GSAP: variants seen among roughly 807,000 people sequenced by gnomAD.
GSAP encodes the protein gamma-secretase activating protein, also known as gamma-secretase-activating protein.
In GSAP, 118 loss-of-function variants were observed where a neutral mutation model predicts 131.7. That is an observed-to-expected ratio of 0.90 (90% CI 0.77 to 1.04). GSAP has a LOEUF of 1.04. Among genes scored for constraint, GSAP ranks in the 50% least tolerant of loss-of-function variants. The pLI, the probability that GSAP is intolerant of heterozygous loss-of-function variation, is 0.00. For missense variants in GSAP, 1,019 were observed against 1,013.2 expected (o/e 1.01, Z -0.08); for synonymous variants, 381 against 363.4 (o/e 1.05, Z -0.55).
chr7:77,323,869 A>G (rs1249357855), intron 23 of GSAP, 127 bp from the exon 24 acceptor site: 1 of 526,148 alleles, frequency 1.9e-6, no homozygotes, highest in Non-Finnish European at 3.4e-6. Flanking sequence ...GGTCCCATCA[A>G]TGGAAATGCA....
intron 7 of GSAP, 61 bp downstream of exon 7, chr7:77,382,513 C>T: frequency 3.5e-6 from 3 of 868,276 alleles, no homozygotes; most frequent in South Asian, 1.4e-5. Flanking sequence ...AATCATGTAC[C>T]ACACTAGGAG....
intron 14 of GSAP, among the ~76,000 whole-genome samples, chr7:77,355,927 A>C (rs1310613244): frequency 2.0e-5 from 3 of 151,584 alleles, no homozygotes; most frequent in Non-Finnish European, 4.4e-5. Flanking sequence ...AGTAGCTGGG[A>C]CTACAGGACT....
chr7:77,353,525 A>G (rs1243723022), intron 17 of GSAP, 47 bp downstream of exon 17: 1 of 1,297,078 alleles, frequency 7.7e-7, no homozygotes, highest in Non-Finnish European at 1.1e-6. Context: ...TCCCTCAAGC[A>G]AAAAGGTCAA....
intron 19 of GSAP, among the ~76,000 whole-genome samples, chr7:77,343,033 C>A (rs972257955): frequency 1.6e-4 from 25 of 152,180 alleles, no homozygotes. Context: ...CCTAACTTAT[C>A]ACTCCCTTTT....
At position 77,406,099 on chromosome 7, in the gene GSAP, A is replaced by G. The variant is rs376706386; in HGVS notation, c.116T>C (p.Leu39Ser). 4.8e-6 allele frequency: 6 copies of G among 1,249,348 alleles called. No homozygotes were observed. In the African/African-American group the frequency reaches 9.6e-5, roughly 20 times the overall value. 77.4% of individuals were successfully genotyped at this position (1,249,348 alleles called of 1,614,324 possible). The stretch of plus-strand genomic sequence containing the variant: ...ATGTAAGCTCTCATAATCGTTTTCT[A>G]AAACATCTGAAATGATAATAGGAGG... ...SGAGSGGADV[L>S]ENDYESLHVL... Residue 39 changes from leucine (L) to serine (S), a missense_variant, in exon 2 of 31, where the codon TTA becomes TCA. Transcript: ENST00000257626.
intron 12 of GSAP, among the ~76,000 whole-genome samples, chr7:77,365,297 C>T (rs1353116741): frequency 2.0e-5 from 3 of 151,922 alleles, no homozygotes; most frequent in African/African-American, 7.3e-5. Flanking sequence ...AAACTCATAT[C>T]ACAGGGGTTT....
chr7:77,311,452 G>A lies in GSAP; in HGVS notation c.2474-3C>T, dbSNP rs776103209. 2 of 1,567,750 alleles carry A rather than the reference G, an allele frequency of 1.3e-6. No homozygotes were observed. Among genetic ancestry groups the A allele is most frequent in the African/African-American group, 1.4e-5 (1 of 73,944 alleles). On this transcript the variant is annotated splice_polypyrimidine_tract_variant and splice_region_variant and intron_variant, in intron 30 of 30. Transcript: ENST00000257626. The stretch of plus-strand genomic sequence containing the variant: ...ATGTCCTTCAAAAGGATACAGGGCT[G>A]GAAAAAAATGGGGAGAGGGCAGGGA...
intron 5 of GSAP, among the ~76,000 whole-genome samples, chr7:77,389,090 T>C (rs1799003820): frequency 6.6e-6 from 1 of 151,984 alleles, no homozygotes; most frequent in Admixed American, 6.6e-5. Context: ...TGAAGAAAAA[T>C]AGAATAGAAA....
Position 77,376,914 on chromosome 7 carries a change from G to A in GSAP, c.682-7C>T, listed in dbSNP as rs377058357. 5 of 1,390,814 alleles carry A rather than the reference G, an allele frequency of 3.6e-6. No homozygotes were observed. Among genetic ancestry groups the A allele is most frequent in the Non-Finnish European group, 4.0e-6 (4 of 1,010,408 alleles). 86.2% of individuals were successfully genotyped at this position (1,390,814 alleles called of 1,614,324 possible). A position where few individuals can be genotyped will look rare whatever the true frequency, so the allele number is the denominator to read the frequency against. ...TTAAGATACTCCTTGATTTCTAAAA[G>A]AGAAAACAGAATGGCATATTAAAAA... On this transcript the variant is annotated splice_polypyrimidine_tract_variant and splice_region_variant and intron_variant, in intron 9 of 30. Transcript: ENST00000257626.
At chr7:77,336,924 C>A (rs1790067526) in intron 19 of GSAP, among the ~76,000 whole-genome samples, 1 of 152,184 alleles carries the variant, frequency 6.6e-6, no homozygotes, top group African/African-American at 2.4e-5. Context: ...GCAAACTGAA[C>A]TTTGGGAAAT....
chr7:77,383,694 C>G lies in GSAP; in HGVS notation c.457-1051G>C, dbSNP rs980088511. Among the ~76,000 whole-genome samples the G allele has an allele frequency of 5.9e-5, 9 of 152,292 alleles. 1 individual carries two copies. Among genetic ancestry groups the G allele is most frequent in the African/African-American group, 2.2e-4 (9 of 41,564 alleles). On this transcript the variant is annotated intron_variant, in intron 6 of 30. Coordinates refer to ENST00000257626, the MANE Select transcript of GSAP (RefSeq NM_017439.4). ...GCTGTGATAATGAGGAAAAACTGGT[C>G]ACAGGATGACTCAAAAGGGCAATTG... is the stretch of plus-strand genomic sequence containing the variant.
chr7:77,393,903 A>AC (rs1207038534), intron 5 of GSAP, among the ~76,000 whole-genome samples: 1 of 151,814 alleles, frequency 6.6e-6, no homozygotes, highest in African/African-American at 2.4e-5. Flanking sequence ...CAAACTCCTG[A>AC]CCTCAGGTGA....
In GSAP at chr7:77,343,725, T is replaced by C. The variant is rs564057170; in HGVS notation, c.1545+5626A>G. Among the ~76,000 whole-genome samples the C allele has an allele frequency of 9.2e-5, 14 of 152,270 alleles. No homozygotes were observed. The South Asian group carries it at 2.5e-3, about 27-fold the overall frequency. ...GACTAACTTCTACCTATCAATCTCT[T>C]CCCACACAAGACAAATGGTTCTTAG... On this transcript the variant is annotated intron_variant, in intron 19 of 30. Transcript: ENST00000257626.
intron 22 of GSAP, 111 bp downstream of exon 22, chr7:77,328,495 A>C: frequency 6.7e-7 from 1 of 1,493,900 alleles, no homozygotes; most frequent in Non-Finnish European, 8.9e-7. Context: ...TGCTGCCTGC[A>C]CCACACTACT....
chr7:77,414,927 G>A (rs867646748), intron 1 of GSAP, among the ~76,000 whole-genome samples: 5 of 129,908 alleles, frequency 3.8e-5, no homozygotes, highest in African/African-American at 5.9e-5. Context: ...GCGAGATCTC[G>A]GCTCACTGCA....
At position 77,372,215 on chromosome 7, in the gene GSAP, CA is replaced by C. The variant is rs1378136875; in HGVS notation, c.871+1854del. On this transcript the variant is annotated intron_variant, in intron 12 of 30. Transcript: ENST00000257626. ...CCAGAACGTGGATCATTCTACAAGACAAATGGCCTGGACTTTTCAATATGTC... is the reference window on the plus strand; with the variant it reads ...CCAGAACGTGGATCATTCTACAAGACAATGGCCTGGACTTTTCAATATGTC... Among the ~76,000 whole-genome samples the C allele has an allele frequency of 2.0e-5, 3 of 152,226 alleles. No individual in the cohort carries two copies. In the East Asian group the frequency reaches 5.8e-4, roughly 29 times the overall value.
At chr7:77,348,492 A>C (rs1584409670) in intron 19 of GSAP, among the ~76,000 whole-genome samples, 1 of 152,016 alleles carries the variant, frequency 6.6e-6, no homozygotes, top group East Asian at 1.9e-4. Flanking sequence ...GCCTTCCCCC[A>C]GCTGTCCAGG....
intron 19 of GSAP, chr7:77,331,892 G>GAAAAAA (rs770529010): frequency 4.6e-5 from 5 of 109,790 alleles, no homozygotes; most frequent in African/African-American, 6.5e-5. Context: ...TATTTAAGAA[G>GAAAAAA]AAAAAAAAAA....
chr7:77,326,315 CAGG>C (rs780961202), intron 22 of GSAP, 42 bp from the exon 23 acceptor site: 1 of 1,363,042 alleles, frequency 7.3e-7, no homozygotes, highest in East Asian at 2.3e-5. Context: ...GAGCAGTTTT[CAGG>C]AGATGGGTTA....
Sources: gnomAD v4.1 joint callset for allele counts (sites outside exome capture counted in the v4.1 genomes callset) on GRCh38, gnomAD v4.1.1 for gene constraint, MANE v1.5 for transcripts, NCBI Gene and HGNC (gene_info 2026-07-23, HGNC 2026-07-21) for gene names.